Variants in SCLT1 observed in about 807,000 individuals in gnomAD.
SCLT1 encodes sodium channel-associated protein 1.
SCLT1 carries 78 observed loss-of-function variants against 112.8 expected under a neutral mutation model. The ratio of observed to expected loss-of-function variants is 0.69; its 90% CI spans 0.58 to 0.83. SCLT1 has a LOEUF of 0.83. SCLT1 is among the 40% of genes least tolerant of loss of function. The pLI is 0.00. For synonymous variants in SCLT1, 257 were observed against 254.7 expected, an observed-to-expected ratio of 1.01 and a Z score of -0.09; for missense variants, 747 against 770.4, an observed-to-expected ratio of 0.97 and a Z score of 0.36.
intron 1 of SCLT1, among the ~76,000 whole-genome samples, chr4:129,084,087 C>T (rs1266640656): frequency 6.6e-6 from 1 of 152,140 alleles, no homozygotes; most frequent in Non-Finnish European, 1.5e-5. Flanking sequence ...AAACATCATA[C>T]TCATGAGTAA....
At chr4:128,975,123 C>T (rs1741047124) in intron 9 of SCLT1, among the ~76,000 whole-genome samples, 1 of 142,404 alleles carries the variant, frequency 7.0e-6, no homozygotes, top group African/African-American at 2.7e-5. Context: ...ACTGCAAGCT[C>T]CGCCTCCTGG....
At chr4:129,082,974 T>C (rs768330444) in intron 1 of SCLT1, among the ~76,000 whole-genome samples, 4 of 151,880 alleles carry the variant, frequency 2.6e-5, no homozygotes, top group Non-Finnish European at 5.9e-5. Context: ...GATGGATCAC[T>C]TGAGGTCGGG....
At chr4:129,078,039 G>A (rs1751610829) in intron 2 of SCLT1, among the ~76,000 whole-genome samples, 1 of 152,236 alleles carries the variant, frequency 6.6e-6, no homozygotes, top group African/African-American at 2.4e-5. Context: ...GAGGATGGCA[G>A]AGGACTCTTA....
At chr4:128,964,870 C>T (rs569511587) in intron 11 of SCLT1, among the ~76,000 whole-genome samples, 42 of 152,114 alleles carry the variant, frequency 2.8e-4, no homozygotes, top group Non-Finnish European at 5.3e-4. Context: ...TAAAGGTGTG[C>T]TTTGTGCTCT....
chr4:128,901,043 T>C (rs997430324), intron 18 of SCLT1, among the ~76,000 whole-genome samples: 1 of 152,168 alleles, frequency 6.6e-6, no homozygotes, highest in South Asian at 2.1e-4. Context: ...GGAGAGGATG[T>C]GGAGAAATAG....
At chr4:129,012,442 G>A (rs1012433294) in intron 5 of SCLT1, among the ~76,000 whole-genome samples, 3 of 152,158 alleles carry the variant, frequency 2.0e-5, no homozygotes, top group Non-Finnish European at 4.4e-5. Context: ...TTCTGATTAC[G>A]TGATTGATTT....
intron 2 of SCLT1, among the ~76,000 whole-genome samples, chr4:129,076,657 C>T (rs1751488689): frequency 6.6e-6 from 1 of 151,366 alleles, no homozygotes; most frequent in African/African-American, 2.4e-5. Context: ...ATTCAATTAG[C>T]CTGGGTATGA....
rs1029058136 is a variant in SCLT1 at position 129,003,838 on chromosome 4, A to G, written c.329T>C (p.Leu110Ser). 1.2e-6 allele frequency: 2 copies of G among 1,612,306 alleles called. No individual in the cohort carries two copies. Among genetic ancestry groups the G allele is most frequent in the South Asian group, 2.2e-5 (2 of 90,870 alleles). The change falls in exon 6 of 21, where the codon TTG becomes TCG. Residue 110 changes from leucine (L) to serine (S), a missense_variant. Physicochemically the swap from Leu to Ser is moderately radical, Grantham distance 145. Coordinates refer to ENST00000281142, the MANE Select transcript of SCLT1 (RefSeq NM_144643.4). ...SELKDAVEKK[L>S]EAFPLGTEVG... Reference sequence around the variant, plus strand: ...CTCTGTGCCCAGGGGAAAGGCCTCCAATTTTTTTTCAACAGCATCTTTTAA... The same window carrying G: ...CTCTGTGCCCAGGGGAAAGGCCTCCGATTTTTTTTCAACAGCATCTTTTAA...
At chr4:128,916,434 A>G (rs1046688659) in intron 18 of SCLT1, among the ~76,000 whole-genome samples, 2 of 152,196 alleles carry the variant, frequency 1.3e-5, no homozygotes, top group Non-Finnish European at 2.9e-5. Flanking sequence ...ATAAAGGAGT[A>G]GCACTGCCTT....
chr4:128,874,324 T>C (rs183201488), intron 5 of SCLT1: 12 of 152,718 alleles, frequency 7.9e-5, no homozygotes, highest in Admixed American at 4.6e-4. Context: ...TAAATTAATC[T>C]AGTAAGTGTA....
chr4:128,922,342 C>T (rs1735948220), intron 18 of SCLT1, among the ~76,000 whole-genome samples: 2 of 152,062 alleles, frequency 1.3e-5, no homozygotes, highest in South Asian at 2.1e-4. Context: ...TACAAAGACG[C>T]ATGCTTGTGT....
chr4:129,027,132 A>C (rs1288761549), intron 5 of SCLT1, among the ~76,000 whole-genome samples: 1 of 152,132 alleles, frequency 6.6e-6, no homozygotes, highest in Non-Finnish European at 1.5e-5. Context: ...ACAAGGAGGA[A>C]CTGGTACCAT....
At chr4:128,899,172 T>G (rs1734051386) in intron 18 of SCLT1, among the ~76,000 whole-genome samples, 1 of 152,244 alleles carries the variant, frequency 6.6e-6, no homozygotes, top group Non-Finnish European at 1.5e-5. Flanking sequence ...TAACTCATTT[T>G]ATGAGGCCAG....
chr4:129,026,507 A>G (rs1746100130), intron 5 of SCLT1, among the ~76,000 whole-genome samples: 1 of 152,170 alleles, frequency 6.6e-6, no homozygotes, highest in Non-Finnish European at 1.5e-5. Flanking sequence ...ACCAACGAGA[A>G]CAAAGACACA....
intron 18 of SCLT1, among the ~76,000 whole-genome samples, chr4:128,923,572 A>G (rs1342784290): frequency 6.6e-6 from 1 of 151,872 alleles, no homozygotes; most frequent in Non-Finnish European, 1.5e-5. Flanking sequence ...TTATCATTAT[A>G]AATTAGAATT....
At chr4:128,896,946 A>C (rs1447071435) in intron 18 of SCLT1, among the ~76,000 whole-genome samples, 1 of 152,186 alleles carries the variant, frequency 6.6e-6, no homozygotes, top group Non-Finnish European at 1.5e-5. Flanking sequence ...CAAATGAATG[A>C]AATGAAGTGA....
At chr4:129,006,576 C>T (rs1332340285) in intron 5 of SCLT1, among the ~76,000 whole-genome samples, 1 of 151,352 alleles carries the variant, frequency 6.6e-6, no homozygotes, top group Admixed American at 6.6e-5. Context: ...ACAGAAATAT[C>T]GTAATTGTCC....
intron 2 of SCLT1, among the ~76,000 whole-genome samples, chr4:129,051,478 C>T (rs777646730): frequency 6.6e-6 from 1 of 152,102 alleles, no homozygotes; most frequent in Non-Finnish European, 1.5e-5. Flanking sequence ...ATTTTATTCT[C>T]TTTATAACAA....
At chr4:129,003,959 G>A (rs1171196623) in intron 5 of SCLT1, 83 bp from the exon 6 acceptor site, 2 of 1,234,316 alleles carry the variant, frequency 1.6e-6, no homozygotes, top group East Asian at 2.4e-5. Context: ...AAACATTTGG[G>A]TCAACAATAA....
Sources: gnomAD v4.1 joint callset for allele counts (sites outside exome capture counted in the v4.1 genomes callset) on GRCh38, gnomAD v4.1.1 for gene constraint, MANE v1.5 for transcripts, NCBI Gene and HGNC (gene_info 2026-07-23, HGNC 2026-07-21) for gene names.